MAPK8IP3: variants seen among roughly 807,000 people sequenced by gnomAD.
The protein encoded by MAPK8IP3 is mitogen-activated protein kinase 8 interacting protein 3.
Under a neutral mutation model 157.8 loss-of-function variants are expected in MAPK8IP3, and 49 were observed. The observed-to-expected ratio is 0.31, with a 90% CI of 0.25 to 0.39. MAPK8IP3 has a LOEUF of 0.39. Ranked by LOEUF, MAPK8IP3 falls within the 10% of genes least tolerant of loss-of-function variation. MAPK8IP3 has a pLI of 1.00. For synonymous variants in MAPK8IP3, 897 were observed against 777.7 expected (o/e 1.15, Z -2.55); for missense variants, 1,478 against 1,889.4 (o/e 0.78, Z 4.04).
chr16:1,725,519 C>T (rs1036951213), intron 2 of MAPK8IP3, among the ~76,000 whole-genome samples: 4 of 151,064 alleles, frequency 2.6e-5, no homozygotes, highest in South Asian at 4.2e-4. Flanking sequence ...CCCAGCTACT[C>T]GGGCAACTGA....
chr16:1,765,244 GC>G, intron 20 of MAPK8IP3, 66 bp downstream of exon 20: 1 of 1,507,930 alleles, frequency 6.6e-7, no homozygotes, highest in Non-Finnish European at 8.9e-7. Flanking sequence ...CTAAGTAAAA[GC>G]CCTGCCACAC....
chr16:1,763,497 C>T (rs926843264), intron 16 of MAPK8IP3, among the ~76,000 whole-genome samples, 160 bp from the exon 17 acceptor site: 4 of 152,032 alleles, frequency 2.6e-5, no homozygotes, highest in South Asian at 4.1e-4. Flanking sequence ...CACCCAGTGC[C>T]GGGAAAGCCA....
intron 4 of MAPK8IP3, among the ~76,000 whole-genome samples, chr16:1,739,108 CTGTGTGAGCATCCGTGTGAG>C (rs2040387967): frequency 8.4e-6 from 1 of 118,646 alleles, no homozygotes. Context: ...GTGTGACCGT[CTGTGTGAGCATCCGTGTGAG>C]CGTGTGACCG....
intron 13 of MAPK8IP3, among the ~76,000 whole-genome samples, chr16:1,761,752 A>C (rs1402491898): frequency 6.7e-6 from 1 of 150,254 alleles, no homozygotes. Context: ...CCGGGTGACC[A>C]CTGTTCATAC....
At chr16:1,729,037 C>T in intron 2 of MAPK8IP3, 101 bp from the exon 3 acceptor site, 2 of 1,173,830 alleles carry the variant, frequency 1.7e-6, no homozygotes, top group Non-Finnish European at 1.3e-6. Flanking sequence ...CCCAGAGTCC[C>T]AGCCTTGTCC....
intron 10 of MAPK8IP3, among the ~76,000 whole-genome samples, 179 bp downstream of exon 10, chr16:1,759,174 C>T (rs773846682): frequency 3.9e-5 from 6 of 152,186 alleles, no homozygotes; most frequent in African/African-American, 1.2e-4. Flanking sequence ...TGGGAGGTGG[C>T]GACTTCCCCA....
chr16:1,714,799 C>T (rs2038036925), intron 1 of MAPK8IP3, among the ~76,000 whole-genome samples: 1 of 152,182 alleles, frequency 6.6e-6, no homozygotes, highest in South Asian at 2.1e-4. Context: ...AACTGAGGCA[C>T]GGTTAGCAGG....
intron 1 of MAPK8IP3, among the ~76,000 whole-genome samples, chr16:1,722,022 G>A (rs780843250): frequency 8.6e-5 from 13 of 151,916 alleles, no homozygotes; most frequent in African/African-American, 1.5e-4. Context: ...CCCCCGCCTC[G>A]GCCTCCCAGA....
At chr16:1,737,572 G>C (rs1354745666) in intron 4 of MAPK8IP3, among the ~76,000 whole-genome samples, 1 of 106,062 alleles carries the variant, frequency 9.4e-6, no homozygotes, top group Non-Finnish European at 1.9e-5. Context: ...GTGAGCATCT[G>C]TGTGACCGTC....
At chr16:1,767,430 C>T (rs2575369) in intron 26 of MAPK8IP3, 133 bp downstream of exon 26, 777,949 of 1,497,962 alleles carry the variant, frequency 0.52, 212,379 homozygotes, top group Non-Finnish European at 0.57. Context: ...GACTCAGGCT[C>T]GAACAGGCGC....
chr16:1,718,077 T>C (rs983045871), intron 1 of MAPK8IP3, among the ~76,000 whole-genome samples: 7 of 151,942 alleles, frequency 4.6e-5, no homozygotes, highest in African/African-American at 1.7e-4. Context: ...ATGGTCTCGA[T>C]CTCCTGACCT....
intron 20 of MAPK8IP3, among the ~76,000 whole-genome samples, 197 bp downstream of exon 20, chr16:1,765,375 C>T (rs1057478375): frequency 6.6e-6 from 1 of 152,252 alleles, no homozygotes; most frequent in African/African-American, 2.4e-5. Context: ...TCGCGGCAGC[C>T]TCGGCCTCTT....
intron 11 of MAPK8IP3, 36 bp from the exon 12 acceptor site, chr16:1,760,344 C>T (rs780040204): frequency 1.3e-5 from 20 of 1,591,788 alleles, no homozygotes; most frequent in Middle Eastern, 2.0e-4. Flanking sequence ...CTGTATGCCG[C>T]GCCCGTGGCA....
chr16:1,745,035 G>T (rs2040882600), intron 5 of MAPK8IP3: 2 of 985,270 alleles, frequency 2.0e-6, no homozygotes, highest in Non-Finnish European at 2.4e-6. Flanking sequence ...AAGAGTTTGG[G>T]TTCTTTCAGT....
At chr16:1,736,851 T>TGTGA (rs1379109756) in intron 4 of MAPK8IP3, among the ~76,000 whole-genome samples, 12 of 74,254 alleles carry the variant, frequency 1.6e-4, no homozygotes, top group Admixed American at 1.7e-4. Flanking sequence ...TGACCGTCCG[T>TGTGA]GTGTGACCGT....
chr16:1,764,180 C>T lies in MAPK8IP3; in HGVS notation c.2091C>T (p.Arg697=), dbSNP rs767706759. 1 of 1,611,840 alleles carries T rather than the reference C, an allele frequency of 6.2e-7. No individual in the cohort carries two copies. Among genetic ancestry groups the T allele is most frequent in the Non-Finnish European group, 8.5e-7 (1 of 1,179,584 alleles). Residue 697 remains arginine (R), a synonymous_variant, in exon 18 of 32, where the codon CGC becomes CGT. Coordinates refer to ENST00000610761, the MANE Select transcript of MAPK8IP3 (RefSeq NM_001318852.2). ...MKNVPVPVYC[R]PLVEKDPTMK... ...ACGTGCCGGTGCCGGTGTACTGCCG[C>T]CCTCTGGTGGAGAAGGACCCCACCA... is the stretch of plus-strand genomic sequence containing the variant.
chr16:1,763,607 G>T, intron 16 of MAPK8IP3, 50 bp from the exon 17 acceptor site: 1 of 1,463,474 alleles, frequency 6.8e-7, no homozygotes, highest in Non-Finnish European at 9.1e-7. Flanking sequence ...GGGGCACTGT[G>T]GGGGCCGCTC....
At chr16:1,731,409 C>T (rs926151992) in intron 4 of MAPK8IP3, among the ~76,000 whole-genome samples, 3 of 152,242 alleles carry the variant, frequency 2.0e-5, no homozygotes, top group African/African-American at 7.2e-5. Flanking sequence ...AAACGGGAGT[C>T]CCTGTGCTGG....
Position 1,738,120 on chromosome 16 carries a change from G to A in MAPK8IP3, c.603-5212G>A, listed in dbSNP as rs150849973. 4.0e-5 allele frequency among the ~76,000 whole-genome samples: 4 copies of A among 100,242 alleles called. 2 individuals carry two copies. In the East Asian group the frequency reaches 1.6e-3, roughly 40 times the overall value. The allele number at this position is 100,242 out of a possible 152,430, so 65.8% of individuals were successfully genotyped here. A position where few individuals can be genotyped will look rare whatever the true frequency, so the allele number is the denominator to read the frequency against. ...TGAGCATCCATGTGACCGTCCGTGT[G>A]AGCGTGACTGTCCGTGTGTGTGACC... On this transcript the variant is annotated intron_variant, in intron 4 of 31. Coordinates refer to ENST00000610761, the MANE Select transcript of MAPK8IP3 (RefSeq NM_001318852.2).
Sources: gnomAD v4.1 joint callset for allele counts (sites outside exome capture counted in the v4.1 genomes callset) on GRCh38, gnomAD v4.1.1 for gene constraint, MANE v1.5 for transcripts, NCBI Gene and HGNC (gene_info 2026-07-23, HGNC 2026-07-21) for gene names.